Variants in RHCG observed in about 807,000 individuals in gnomAD.
RHCG encodes the protein ammonium transporter Rh type C.
A neutral mutation model predicts 55.3 loss-of-function variants in RHCG; 39 were observed. The ratio of observed to expected loss-of-function variants is 0.70; its 90% CI spans 0.55 to 0.92. RHCG has a LOEUF of 0.92. Among genes scored for constraint, RHCG ranks in the 40% least tolerant of loss-of-function variants. The pLI is 0.00. For missense variants in RHCG, 635 were observed against 627.9 expected (o/e 1.01, Z -0.12); for synonymous variants, 250 against 246.8 (o/e 1.01, Z -0.12).
intron 2 of RHCG, 194 bp downstream of exon 2, chr15:89,486,589 AGAGAGAGAGAGTGTGT>A (rs1961367259): frequency 4.1e-6 from 2 of 490,794 alleles, no homozygotes; most frequent in Non-Finnish European, 7.6e-6. Flanking sequence ...AGAGAGAGAG[AGAGAGAGAGAGTGTGT>A]GTGTGTGTGT....
intron 2 of RHCG, chr15:89,486,564 C>CAGAGAGAGAGAGAG (rs59120813): frequency 1.1e-5 from 3 of 269,334 alleles, no homozygotes; most frequent in East Asian, 1.1e-4. Flanking sequence ...GAGAGAGAGA[C>CAGAGAGAGAGAGAG]AGAGAGAGAG....
In RHCG at chr15:89,477,629, T is replaced by G; in HGVS notation, c.1000A>C (p.Ile334Leu). Residue 334 changes from isoleucine (I) to leucine (L), a missense_variant, in exon 7 of 11, where the codon ATC (isoleucine) becomes CTC (leucine). By Grantham distance (5) the Ile-to-Leu change is conservative. Coordinates refer to ENST00000268122, the MANE Select transcript of RHCG (RefSeq NM_016321.3). This position sits in a 1 kb window ranked among gnomAD's most constrained non-coding sequence, Gnocchi z 4.5. ...TTGTTAATGCCACATGTGTCCTGGA[T>G]GTGCAGCCGGGACTCCAGGAATGGC... ...LTPFLESRLH[I>L]QDTCGINNLH... 1.2e-6 allele frequency: 2 copies of G among 1,614,096 alleles called. No homozygotes were observed. The highest frequency in any genetic ancestry group is 1.7e-6 in the Non-Finnish European group (2 of 1,180,016).
At chr15:89,486,530 C>A (rs770414998) in intron 2 of RHCG, 1 of 523,524 alleles carries the variant, frequency 1.9e-6, no homozygotes, top group South Asian at 1.5e-5. Flanking sequence ...TGGAGAATCG[C>A]TGATCAGGAA....
rs1419715094 is a variant in RHCG, at chr15:89,496,279, G to C, written c.184+82C>G. The C allele has an allele frequency of 5.5e-6, 8 of 1,451,118 alleles. No individual in the cohort carries two copies. In the Admixed American group the frequency reaches 1.4e-4, roughly 25 times the overall value. 89.9% of individuals were successfully genotyped at this position (1,451,118 alleles called of 1,614,324 possible). On this transcript the variant is annotated intron_variant, in intron 1 of 10. Coordinates refer to ENST00000268122, the MANE Select transcript of RHCG (RefSeq NM_016321.3). ...GGCTGCAGGGTAGATCCCCTCCTCT[G>C]CCCAGCTCTGGGCCGAGCCCTTGGC...
rs748413638 is a variant in RHCG at position 89,477,564 on chromosome 15, A to G, written c.1065T>C (p.Gly355=). The change falls in exon 7 of 11, where the codon GGT becomes GGC. Residue 355 remains glycine, a synonymous_variant. Coordinates refer to ENST00000268122, the MANE Select transcript of RHCG (RefSeq NM_016321.3). The surrounding 1 kb of genome is among the most constrained non-coding windows in gnomAD (Gnocchi z 4.5). The part of the protein sequence containing the change: ...GIPGIIGGIV[G]AVTAASASLE... ...GGCTGGCGGAGGCCGCTGTCACAGCACCCACGATGCCGCCTATGATGCCAG... is the reference window on the plus strand; with the variant it reads ...GGCTGGCGGAGGCCGCTGTCACAGCGCCCACGATGCCGCCTATGATGCCAG... The G allele has an allele frequency of 6.2e-7, 1 of 1,614,084 alleles. No homozygotes were observed. The highest frequency in any genetic ancestry group is 1.7e-5 in the Admixed American group (1 of 60,026).
intron 2 of RHCG, 87 bp downstream of exon 2, chr15:89,486,712 G>C: frequency 7.1e-7 from 1 of 1,412,062 alleles, no homozygotes; most frequent in Non-Finnish European, 9.6e-7. Context: ...GGGTCCCGCC[G>C]ATGGGCACGC....
intron 3 of RHCG, among the ~76,000 whole-genome samples, chr15:89,482,336 G>A (rs536700555): frequency 1.2e-4 from 19 of 152,308 alleles, no homozygotes; most frequent in African/African-American, 4.6e-4. Context: ...GAGTCAGGAG[G>A]AAGAGATATG....
At chr15:89,472,682 G>C in intron 10 of RHCG, 29 bp downstream of exon 10, 9 of 1,589,340 alleles carry the variant, frequency 5.7e-6, no homozygotes, top group Non-Finnish European at 7.7e-6. Context: ...GAACCTCCCT[G>C]TCATCCCCCA....
chr15:89,487,172 A>G (rs1000819975), intron 1 of RHCG, among the ~76,000 whole-genome samples, 187 bp from the exon 2 acceptor site: 1 of 152,144 alleles, frequency 6.6e-6, no homozygotes, highest in African/African-American at 2.4e-5. Context: ...TGGGCAAGGT[A>G]ACGCTGCGGG....
intron 1 of RHCG, among the ~76,000 whole-genome samples, chr15:89,493,001 T>A (rs1390789391): frequency 6.6e-6 from 1 of 152,202 alleles, no homozygotes; most frequent in African/African-American, 2.4e-5. Context: ...ATGCTGAGGC[T>A]CACTGTGGCG....
chr15:89,486,275 A>C (rs943166701), intron 2 of RHCG: 4 of 456,508 alleles, frequency 8.8e-6, no homozygotes, highest in African/African-American at 2.0e-5. Flanking sequence ...AGGTACCTCC[A>C]TTTGGCTGGA....
At chr15:89,481,924 C>G (rs538061380) in intron 3 of RHCG, among the ~76,000 whole-genome samples, 3 of 152,296 alleles carry the variant, frequency 2.0e-5, no homozygotes, top group African/African-American at 7.2e-5. Context: ...GCCTCAGCCT[C>G]CAGAGTAGCT....
chr15:89,485,692 A>G (rs1039459149), intron 2 of RHCG, among the ~76,000 whole-genome samples: 1 of 151,596 alleles, frequency 6.6e-6, no homozygotes, highest in African/African-American at 2.4e-5. Context: ...GGAGGAAAAC[A>G]TTTTTTTTTC....
chr15:89,493,313 A>T (rs1961510138), intron 1 of RHCG, among the ~76,000 whole-genome samples: 1 of 152,192 alleles, frequency 6.6e-6, no homozygotes, highest in African/African-American at 2.4e-5. Flanking sequence ...ACCCTGGAGC[A>T]CCAGCCCACA....
chr15:89,488,260 C>T (rs1231663212), intron 1 of RHCG, among the ~76,000 whole-genome samples: 1 of 151,172 alleles, frequency 6.6e-6, no homozygotes, highest in Non-Finnish European at 1.5e-5. Flanking sequence ...AGATAGGGCT[C>T]TTGCCTACAG....
chr15:89,475,160 T>G (rs912888586), intron 9 of RHCG, among the ~76,000 whole-genome samples: 55 of 149,766 alleles, frequency 3.7e-4, no homozygotes, highest in African/African-American at 1.0e-3. Context: ...CTTCCTTCCT[T>G]CCTGCCTGCC....
Position 89,483,162 on chromosome 15 carries a change from G to C in RHCG, c.427C>G (p.Leu143Val). 2 of 1,602,766 alleles carry C rather than the reference G, an allele frequency of 1.2e-6. No homozygotes were observed. Among genetic ancestry groups the C allele is most frequent in the South Asian group, 1.1e-5 (1 of 90,426 alleles). Reference sequence around the variant, plus strand: ...AGCTGAATGGGGCTGACTTTACCCAGAACTGCCCCAAAGGCCACGCAGACA... The same window carrying C: ...AGCTGAATGGGGCTGACTTTACCCACAACTGCCCCAAAGGCCACGCAGACA... ...ASVCVAFGAV[L>V]GKVSPIQLLI... The change falls in exon 3 of 11, where the codon CTG becomes GTG. Residue 143 changes from leucine to valine, a missense_variant. Leu to Val is a conservative substitution (Grantham distance 32, BLOSUM62 1). Transcript: ENST00000268122.
chr15:89,490,999 G>A (rs1961464701), intron 1 of RHCG, among the ~76,000 whole-genome samples: 1 of 152,160 alleles, frequency 6.6e-6, no homozygotes, highest in Admixed American at 6.5e-5. Flanking sequence ...GGTGGGAGGA[G>A]CCCCTGGGGG....
At chr15:89,479,270 G>A (rs993639564) in intron 5 of RHCG, 52 bp downstream of exon 5, 26 of 1,568,712 alleles carry the variant, frequency 1.7e-5, no homozygotes, top group Middle Eastern at 2.1e-4. Flanking sequence ...GGTGATCAGC[G>A]CCCTCCAGGC....
Sources: gnomAD v4.1 joint callset for allele counts (sites outside exome capture counted in the v4.1 genomes callset) on GRCh38, gnomAD v4.1.1 for gene constraint, Gnocchi (gnomAD v3.1) non-coding constraint, MANE v1.5 for transcripts, NCBI Gene and HGNC (gene_info 2026-07-23, HGNC 2026-07-21) for gene names.